UCHL5: variants seen among roughly 807,000 people sequenced by gnomAD.
The protein encoded by UCHL5 is ubiquitin C-terminal hydrolase L5, also known as ubiquitin carboxyl-terminal hydrolase isozyme L5.
A neutral mutation model predicts 53.8 loss-of-function variants in UCHL5; 34 were observed. That is an observed-to-expected ratio of 0.63 (90% CI 0.48 to 0.84). The LOEUF is 0.84. UCHL5 is among the 40% of genes least tolerant of loss of function. UCHL5 has a pLI of 0.00. For synonymous variants in UCHL5, 111 were observed against 126.3 expected (o/e 0.88, Z 0.81); for missense variants, 290 against 385.6 (o/e 0.75, Z 2.08).
rs189169056 is a variant in UCHL5 at position 193,055,334 on chromosome 1, C to G, written c.77-3517G>C. On this transcript the variant is annotated intron_variant, in intron 1 of 10. Transcript: ENST00000367454. ...GTTGAGCAGGTTGGCTAGCAGCCCC[C>G]CTTGTTAAGATTAGTTCTCTAGCTG... is the stretch of plus-strand genomic sequence containing the variant. 9.2e-4 allele frequency among the ~76,000 whole-genome samples: 140 copies of G among 152,252 alleles called. 1 individual carries two copies. Among genetic ancestry groups the G allele is most frequent in the African/African-American group, 3.2e-3 (134 of 41,564 alleles).
At chr1:193,039,091 T>C (rs550087239) in intron 3 of UCHL5, among the ~76,000 whole-genome samples, 3 of 152,232 alleles carry the variant, frequency 2.0e-5, no homozygotes, top group South Asian at 4.2e-4. Context: ...AAAATCCTAT[T>C]TAAAAGAGCT....
chr1:193,039,509 A>C (rs1465285036), intron 3 of UCHL5, among the ~76,000 whole-genome samples: 1 of 152,228 alleles, frequency 6.6e-6, no homozygotes, highest in East Asian at 1.9e-4. Flanking sequence ...AGAGTTCACC[A>C]AAAACTGGAT....
chr1:193,028,150 T>C lies in UCHL5; in HGVS notation c.566-2A>G. ...TCCAATCATCTTGATTGCATGCACC[T>C]AGAAAGAAATTTTAAAACAGTTAAC... On this transcript the variant is annotated splice_acceptor_variant, in intron 6 of 10. Coordinates refer to ENST00000367454, the MANE Select transcript of UCHL5 (RefSeq NM_001199261.3). LOFTEE classifies it high-confidence loss of function. The C allele has an allele frequency of 6.3e-7, 1 of 1,584,816 alleles. No homozygotes were observed. The highest frequency in any genetic ancestry group is 8.6e-7 in the Non-Finnish European group (1 of 1,168,768).
chr1:193,027,845 G>A (rs1009702580), intron 7 of UCHL5: 7 of 1,343,710 alleles, frequency 5.2e-6, no homozygotes, highest in Non-Finnish European at 7.0e-6. Context: ...ATGTTTGGCT[G>A]GGCACAGTGG....
intron 3 of UCHL5, 55 bp downstream of exon 3, chr1:193,049,691 C>CTTGT: frequency 2.1e-6 from 3 of 1,421,342 alleles, no homozygotes; most frequent in Non-Finnish European, 2.9e-6. Context: ...AAACTAGAGT[C>CTTGT]TTGTTTATAA....
At chr1:193,059,949 C>G, upstream of UCHL5, 1 of 1,366,432 alleles carries the variant, frequency 7.3e-7, no homozygotes, top group Non-Finnish European at 9.8e-7. The surrounding 1 kb of genome is among the most constrained non-coding windows in gnomAD (Gnocchi z 4.9). Flanking sequence ...CCCTGGGTAA[C>G]GGAACCAGCA....
At chr1:193,059,456 A>G, upstream of UCHL5, 2 of 1,609,478 alleles carry the variant, frequency 1.2e-6, no homozygotes, top group Non-Finnish European at 1.7e-6. This position sits in a 1 kb window ranked among gnomAD's most constrained non-coding sequence, Gnocchi z 4.9. Flanking sequence ...GCCACCCTAG[A>G]GACATCGAAA....
rs1331045300 is a variant in UCHL5 at position 193,016,256 on chromosome 1, G to T, written c.*95C>A. On this transcript the variant is annotated 3_prime_UTR_variant, in exon 11 of 11. Transcript: ENST00000367454. ...CTGGCACTATTGCCAAACGTGCACT[G>T]AGCCAATTAGGATGTTGCTCTAAGT... The T allele has an allele frequency of 1.4e-6, 2 of 1,450,138 alleles. No homozygotes were observed. Among genetic ancestry groups the T allele is most frequent in the Non-Finnish European group, 1.9e-6 (2 of 1,062,848 alleles). 89.8% of individuals were successfully genotyped at this position (1,450,138 alleles called of 1,614,324 possible).
chr1:193,019,699 G>GT (rs2102277357), intron 10 of UCHL5, among the ~76,000 whole-genome samples: 1 of 151,836 alleles, frequency 6.6e-6, no homozygotes, highest in African/African-American at 2.4e-5. Flanking sequence ...CTGACAAGCT[G>GT]TTGTTCTCTA....
Position 193,022,961 on chromosome 1 carries a change from T to C in UCHL5, c.808A>G (p.Ile270Val), listed in dbSNP as rs769696158. 2 of 1,613,042 alleles carry C rather than the reference T, an allele frequency of 1.2e-6. No homozygotes were observed. Among genetic ancestry groups the C allele is most frequent in the Middle Eastern group, 1.7e-4 (1 of 6,038 alleles). ...QSEVAKNQML[I>V]EEEVQKLKRY... is the part of the protein sequence containing the mutation. The stretch of plus-strand genomic sequence containing the variant: ...TTTAATTTCTGTACTTCTTCTTCAA[T>C]AAGCATCTGATTTTTGGCAACTTCT... The change falls in exon 9 of 11, where the codon ATT becomes GTT. Residue 270 changes from isoleucine (I) to valine (V), a missense_variant. Physicochemically the swap from Ile to Val is conservative, Grantham distance 29. Coordinates refer to ENST00000367454, the MANE Select transcript of UCHL5 (RefSeq NM_001199261.3).
At chr1:193,017,442 CTG>C (rs933647083) in intron 10 of UCHL5, among the ~76,000 whole-genome samples, 2 of 151,614 alleles carry the variant, frequency 1.3e-5, no homozygotes, top group Non-Finnish European at 3.0e-5. Context: ...AGCAAATAGT[CTG>C]TGTGTCATAT....
chr1:193,020,428 T>TA (rs1170734305), intron 10 of UCHL5: 62 of 1,545,258 alleles, frequency 4.0e-5, no homozygotes, highest in Middle Eastern at 1.7e-4. Context: ...GGGAACTTAT[T>TA]AAAGAATCCT....
chr1:193,054,022 C>CAAAA (rs11420240), intron 1 of UCHL5, among the ~76,000 whole-genome samples: 1 of 139,958 alleles, frequency 7.1e-6, no homozygotes, highest in African/African-American at 2.6e-5. Context: ...CACTGGTTAC[C>CAAAA]AAAAAAAAAA....
chr1:193,019,216 T>G (rs1655996808), intron 10 of UCHL5, among the ~76,000 whole-genome samples: 1 of 151,556 alleles, frequency 6.6e-6, no homozygotes, highest in Non-Finnish European at 1.5e-5. Context: ...TAGCCTGACT[T>G]TATCCTGGCA....
chr1:193,050,561 C>T (rs1169281466), intron 2 of UCHL5, among the ~76,000 whole-genome samples: 2 of 151,884 alleles, frequency 1.3e-5, no homozygotes, highest in African/African-American at 2.4e-5. Context: ...AGTGAAACCA[C>T]ATCTCTACTA....
chr1:193,029,709 G>C (rs1431512095), intron 3 of UCHL5, 52 bp from the exon 4 acceptor site: 1 of 1,450,380 alleles, frequency 6.9e-7, no homozygotes, highest in Admixed American at 2.5e-5. Context: ...ATAAAAAATG[G>C]TTTTTAACTG....
intron 3 of UCHL5, among the ~76,000 whole-genome samples, chr1:193,049,043 C>T (rs1040413317): frequency 1.3e-5 from 2 of 152,284 alleles, no homozygotes; most frequent in African/African-American, 4.8e-5. Flanking sequence ...CACGCCACCA[C>T]CACGCCCAGC....
At chr1:193,022,325 G>C (rs1231396939) in intron 9 of UCHL5, among the ~76,000 whole-genome samples, 2 of 152,156 alleles carry the variant, frequency 1.3e-5, no homozygotes, top group Non-Finnish European at 2.9e-5. Context: ...AAAAAGGACA[G>C]TTCTTGCCTT....
intron 3 of UCHL5, among the ~76,000 whole-genome samples, chr1:193,030,450 C>T (rs1170867900): frequency 6.6e-6 from 1 of 152,184 alleles, no homozygotes; most frequent in African/African-American, 2.4e-5. Flanking sequence ...AGCCATCATG[C>T]TAGGCTATCT....
Sources: gnomAD v4.1 joint callset for allele counts (sites outside exome capture counted in the v4.1 genomes callset) on GRCh38, gnomAD v4.1.1 for gene constraint, Gnocchi (gnomAD v3.1) non-coding constraint, MANE v1.5 for transcripts, NCBI Gene and HGNC (gene_info 2026-07-23, HGNC 2026-07-21) for gene names.